Variants in BCOR observed in about 807,000 individuals in gnomAD.
The protein encoded by BCOR is BCL6 corepressor.
In BCOR, 10 loss-of-function variants were observed where a neutral mutation model predicts 86.7. The observed-to-expected ratio is 0.12, with a 90% CI of 0.07 to 0.20. The LOEUF (loss-of-function observed/expected upper bound fraction) is 0.20. Among genes scored for constraint, BCOR ranks in the 10% least tolerant of loss-of-function variants. The pLI is 1.00. For synonymous variants in BCOR, 611 were observed against 609.0 expected, an observed-to-expected ratio of 1.00 and a Z score of -0.05; for missense variants, 1,259 against 1,452.1, an observed-to-expected ratio of 0.87 and a Z score of 2.16.
chrX:40,155,448 G>A (rs72623230), intron 1 of BCOR, among the ~76,000 whole-genome samples: 1 of 111,408 alleles, frequency 9.0e-6, no homozygotes, highest in East Asian at 2.9e-4. Context: ...GGTTTCGGTG[G>A]GGAAGCAGGA....
At chrX:40,159,402 A>C (rs1602275299) in intron 1 of BCOR, among the ~76,000 whole-genome samples, 1 of 113,110 alleles carries the variant, frequency 8.8e-6, no homozygotes, top group East Asian at 2.8e-4. Context: ...GTTGGAGTGC[A>C]CTGGCGCGAT....
At chrX:40,054,655 A>G (rs1934500729) in intron 12 of BCOR, among the ~76,000 whole-genome samples, 1 of 111,063 alleles carries the variant, frequency 9.0e-6, no homozygotes, top group African/African-American at 3.3e-5. Flanking sequence ...GGCGCCCACC[A>G]CCATGCCCAG....
intron 6 of BCOR, among the ~76,000 whole-genome samples, chrX:40,070,071 G>A (rs745833896): frequency 2.1e-4 from 23 of 111,086 alleles, no homozygotes; most frequent in Non-Finnish European, 2.5e-4. Context: ...GTCAGGCACC[G>A]ATGAACTGTG....
chrX:40,089,487 C>T (rs191840864), intron 1 of BCOR, among the ~76,000 whole-genome samples: 1 of 111,851 alleles, frequency 8.9e-6, no homozygotes, highest in Non-Finnish European at 1.9e-5. Context: ...ACCTATGTTA[C>T]TTGGTCTACA....
chrX:40,053,860 T>C, intron 14 of BCOR, 26 bp downstream of exon 14: 1 of 1,209,071 alleles, frequency 8.3e-7, no homozygotes, highest in South Asian at 1.8e-5. Flanking sequence ...TCAGCTAGTT[T>C]TCAATCACAT....
At chrX:40,075,307 TTCC>T (rs2147288237) in intron 3 of BCOR, 127 bp from the exon 4 acceptor site, 17 of 288,636 alleles carry the variant, frequency 5.9e-5, no homozygotes, top group East Asian at 2.6e-4. Flanking sequence ...AAAGACAGGC[TTCC>T]GGCGGGGCGG....
intron 1 of BCOR, among the ~76,000 whole-genome samples, chrX:40,089,997 G>GC (rs1160567432): frequency 8.9e-6 from 1 of 111,908 alleles, no homozygotes; most frequent in African/African-American, 3.3e-5. Flanking sequence ...TACAGAAGCG[G>GC]CCGGCAGCAA....
chrX:40,140,284 C>T (rs1937891384), intron 1 of BCOR, among the ~76,000 whole-genome samples: 2 of 104,597 alleles, frequency 1.9e-5, no homozygotes, highest in South Asian at 4.5e-4. Context: ...ATGGTGAGAC[C>T]CAGTCTCTAC....
At chrX:40,065,717 G>C (rs1935166716) in intron 6 of BCOR, among the ~76,000 whole-genome samples, 1 of 112,139 alleles carries the variant, frequency 8.9e-6, no homozygotes, top group African/African-American at 3.2e-5. Context: ...TAAGGTGTCA[G>C]CCCTTGGCCC....
chrX:40,087,602 G>A (rs766938348), intron 1 of BCOR, among the ~76,000 whole-genome samples: 19 of 111,624 alleles, frequency 1.7e-4, no homozygotes, highest in Non-Finnish European at 3.0e-4. Context: ...TGGGAGAGAG[G>A]ATTTCTTCCT....
At chrX:40,083,606 G>A (rs955180108) in intron 1 of BCOR, among the ~76,000 whole-genome samples, 9 of 111,667 alleles carry the variant, frequency 8.1e-5, no homozygotes, top group Non-Finnish European at 1.7e-4. Context: ...CCCCTCCCCG[G>A]GCTGAGGCGC....
At chrX:40,127,615 G>A (rs1339757536) in intron 1 of BCOR, among the ~76,000 whole-genome samples, 2 of 110,715 alleles carry the variant, frequency 1.8e-5, no homozygotes, top group African/African-American at 3.3e-5. Context: ...TCACACCTGT[G>A]ATCCTAGAAC....
chrX:40,139,405 A>G (rs1335147550), intron 1 of BCOR, among the ~76,000 whole-genome samples: 1 of 17,879 alleles, frequency 5.6e-5, no homozygotes, highest in African/African-American at 7.4e-4. Flanking sequence ...ATATATATAT[A>G]TATATATATA....
intron 1 of BCOR, among the ~76,000 whole-genome samples, chrX:40,162,167 T>G (rs1193468184): frequency 8.9e-6 from 1 of 112,220 alleles, no homozygotes; most frequent in African/African-American, 3.2e-5. Context: ...CCTTTTGACC[T>G]CTATCTGTCC....
At chrX:40,064,620 G>C in intron 6 of BCOR, 21 bp from the exon 7 acceptor site, 2 of 1,211,115 alleles carry the variant, frequency 1.7e-6, no homozygotes, top group Non-Finnish European at 2.2e-6. Context: ...GGAGACAAGA[G>C]GGCATTAATG....
chrX:40,135,530 C>T (rs1937661397), intron 1 of BCOR, among the ~76,000 whole-genome samples: 1 of 111,174 alleles, frequency 9.0e-6, no homozygotes, highest in South Asian at 3.8e-4. Context: ...CCTGGGATTA[C>T]AGGCGTGTAC....
At chrX:40,095,712 C>T (rs374913507) in intron 1 of BCOR, among the ~76,000 whole-genome samples, 1 of 111,421 alleles carries the variant, frequency 9.0e-6, no homozygotes, top group East Asian at 2.8e-4. Context: ...ACATAACCCT[C>T]CTCCTTCCTT....
intron 1 of BCOR, among the ~76,000 whole-genome samples, chrX:40,143,213 T>C (rs1463498621): frequency 9.0e-6 from 1 of 111,682 alleles, no homozygotes; most frequent in African/African-American, 3.3e-5. Context: ...GCAGGAATGC[T>C]GTGTGTCTGT....
At chrX:40,090,539 A>T (rs923176827) in intron 1 of BCOR, among the ~76,000 whole-genome samples, 12 of 111,722 alleles carry the variant, frequency 1.1e-4, no homozygotes, top group Non-Finnish European at 1.7e-4. Context: ...GACGGCGGCC[A>T]GGGCAGACGC....
Sources: gnomAD v4.1 joint callset for allele counts (sites outside exome capture counted in the v4.1 genomes callset) on GRCh38, gnomAD v4.1.1 for gene constraint, MANE v1.5 for transcripts, NCBI Gene and HGNC (gene_info 2026-07-23, HGNC 2026-07-21) for gene names.